The following ITGBL1 variants were observed in gnomAD, a reference collection of about 807,000 sequenced individuals.
ITGBL1 encodes the protein integrin beta-like protein 1.
ITGBL1 carries 51 observed loss-of-function variants against 68.5 expected under a neutral mutation model. The observed-to-expected ratio is 0.74, with a 90% CI of 0.59 to 0.94. ITGBL1 has a LOEUF of 0.94. ITGBL1 is among the 40% of genes least tolerant of loss of function. The pLI, the probability that ITGBL1 is intolerant of heterozygous loss-of-function variation, is 0.00. For missense variants in ITGBL1, 649 were observed against 647.4 expected (o/e 1.00, Z -0.03); for synonymous variants, 209 against 227.3 (o/e 0.92, Z 0.72).
intron 7 of ITGBL1, among the ~76,000 whole-genome samples, chr13:101,631,823 G>A (rs2031988707): frequency 6.6e-6 from 1 of 152,130 alleles, no homozygotes; most frequent in African/African-American, 2.4e-5. Flanking sequence ...GCCAAGGCAA[G>A]TTAATGAGTA....
chr13:101,552,081 A>C (rs1396705209), intron 2 of ITGBL1, among the ~76,000 whole-genome samples: 2 of 152,192 alleles, frequency 1.3e-5, no homozygotes, highest in African/African-American at 4.8e-5. Flanking sequence ...AATGGCTTCA[A>C]AACAGCTGTG....
At chr13:101,569,287 A>C (rs989381192) in intron 3 of ITGBL1, among the ~76,000 whole-genome samples, 1 of 152,152 alleles carries the variant, frequency 6.6e-6, no homozygotes, top group African/African-American at 2.4e-5. Context: ...TTTAGAGAAC[A>C]TTATAATCAA....
chr13:101,607,446 T>C (rs1287653314), intron 7 of ITGBL1, among the ~76,000 whole-genome samples: 3 of 152,064 alleles, frequency 2.0e-5, no homozygotes, highest in Non-Finnish European at 4.4e-5. Context: ...GGCTGCATAA[T>C]ATTCCATTAT....
At chr13:101,648,650 G>C (rs1470051187) in intron 7 of ITGBL1, among the ~76,000 whole-genome samples, 2 of 151,958 alleles carry the variant, frequency 1.3e-5, no homozygotes, top group African/African-American at 4.8e-5. Context: ...GTAATTTCTG[G>C]AAAACCATTA....
At chr13:101,541,303 T>G (rs2049695808) in intron 2 of ITGBL1, among the ~76,000 whole-genome samples, 1 of 151,990 alleles carries the variant, frequency 6.6e-6, no homozygotes, top group African/African-American at 2.4e-5. Flanking sequence ...CTGCATCTAT[T>G]GAGATAATAG....
chr13:101,690,166 G>T (rs1041137537), intron 7 of ITGBL1, among the ~76,000 whole-genome samples: 5 of 152,158 alleles, frequency 3.3e-5, no homozygotes, highest in Non-Finnish European at 7.4e-5. Context: ...TATGTGAATT[G>T]TTATTTATCA....
intron 7 of ITGBL1, among the ~76,000 whole-genome samples, chr13:101,689,649 C>G (rs2033839590): frequency 6.6e-6 from 1 of 151,936 alleles, no homozygotes; most frequent in South Asian, 2.1e-4. Flanking sequence ...AGAATTTACT[C>G]TTTTTTACCT....
At chr13:101,664,435 G>A (rs1026300027) in intron 7 of ITGBL1, among the ~76,000 whole-genome samples, 3 of 151,958 alleles carry the variant, frequency 2.0e-5, no homozygotes, top group African/African-American at 7.2e-5. Context: ...ATTGTAAAAG[G>A]CAGCAATAGC....
intron 2 of ITGBL1, among the ~76,000 whole-genome samples, chr13:101,546,422 T>G (rs2049824973): frequency 6.6e-6 from 1 of 151,582 alleles, no homozygotes; most frequent in Admixed American, 6.6e-5. Flanking sequence ...CAAATGAAAA[T>G]GAACATTTTA....
At chr13:101,532,043 C>G (rs2049492170) in intron 2 of ITGBL1, among the ~76,000 whole-genome samples, 1 of 152,020 alleles carries the variant, frequency 6.6e-6, no homozygotes, top group South Asian at 2.1e-4. Flanking sequence ...CAGTTTTATA[C>G]TTTTTAATTT....
chr13:101,574,320 G>A (rs2050320441), intron 3 of ITGBL1, among the ~76,000 whole-genome samples: 1 of 151,938 alleles, frequency 6.6e-6, no homozygotes, highest in African/African-American at 2.4e-5. Context: ...GTCTCATGCT[G>A]GAAGTAAGCC....
At position 101,697,772 on chromosome 13, in the gene ITGBL1, G is replaced by T. The variant is rs551267793; in HGVS notation, c.1132+5071G>T. 3.3e-5 allele frequency among the ~76,000 whole-genome samples: 5 copies of T among 152,256 alleles called. No individual in the cohort carries two copies. In the East Asian group the frequency reaches 5.8e-4, roughly 18 times the overall value. On this transcript the variant is annotated intron_variant, in intron 8 of 10. Coordinates refer to ENST00000376180, the MANE Select transcript of ITGBL1 (RefSeq NM_004791.3). ...GAGACATAAAGACGGAAATGTGCCT[G>T]GTACTATGTGCCAGTGAATATTTGA... is the stretch of plus-strand genomic sequence containing the variant.
intron 2 of ITGBL1, among the ~76,000 whole-genome samples, chr13:101,537,812 A>T (rs1377963130): frequency 6.6e-6 from 1 of 151,980 alleles, no homozygotes; most frequent in African/African-American, 2.4e-5. Context: ...ATGGATTCTA[A>T]GATTGTTTGC....
At chr13:101,578,554 G>C (rs2050401915) in intron 4 of ITGBL1, among the ~76,000 whole-genome samples, 1 of 152,206 alleles carries the variant, frequency 6.6e-6, no homozygotes, top group South Asian at 2.1e-4. Flanking sequence ...ATTCACTACA[G>C]ATGGCTTGGA....
chr13:101,617,317 A>T (rs920308089), intron 7 of ITGBL1, among the ~76,000 whole-genome samples: 17 of 152,094 alleles, frequency 1.1e-4, no homozygotes, highest in African/African-American at 4.1e-4. Flanking sequence ...AGAATTTGTC[A>T]CTGAAGTTTC....
At chr13:101,697,745 AAG>A (rs1231652628) in intron 8 of ITGBL1, among the ~76,000 whole-genome samples, 3 of 152,234 alleles carry the variant, frequency 2.0e-5, no homozygotes, top group Non-Finnish European at 4.4e-5. Context: ...TATGGAAAGA[AAG>A]AGACATAAAG....
intron 2 of ITGBL1, chr13:101,489,805 A>T: frequency 2.0e-6 from 1 of 508,492 alleles, no homozygotes; most frequent in Non-Finnish European, 3.5e-6. Flanking sequence ...ATATCAGAGG[A>T]TGCTGCGATA....
At chr13:101,454,413 C>T (rs868395809) in intron 2 of ITGBL1, among the ~76,000 whole-genome samples, 9 of 104,032 alleles carry the variant, frequency 8.7e-5, no homozygotes, top group South Asian at 3.7e-4. Context: ...CCCCCCCCCC[C>T]CCAACTCCTG....
intron 7 of ITGBL1, among the ~76,000 whole-genome samples, chr13:101,681,406 T>C (rs1479835827): frequency 6.6e-6 from 1 of 152,108 alleles, no homozygotes. Context: ...GTTTACAGAT[T>C]TTCACCCTTT....
Sources: allele counts gnomAD v4.1 joint callset (sites outside exome capture counted in the v4.1 genomes callset), GRCh38; gene constraint gnomAD v4.1.1; transcripts MANE v1.5; gene names NCBI Gene and HGNC (gene_info 2026-07-23, HGNC 2026-07-21).